The following PEX14 variants were observed in gnomAD, a reference collection of about 807,000 sequenced individuals.
PEX14 encodes the protein peroxisomal biogenesis factor 14.
A neutral mutation model predicts 49.5 loss-of-function variants in PEX14; 15 were observed. The observed-to-expected ratio is 0.30, with a 90% CI of 0.20 to 0.47. The LOEUF (loss-of-function observed/expected upper bound fraction) is 0.47, where lower values mean the gene tolerates loss of function less well. Ranked by LOEUF, PEX14 falls within the 20% of genes least tolerant of loss-of-function variation. PEX14 has a pLI of 1.00. For missense variants in PEX14, 398 were observed against 494.8 expected (o/e 0.80, Z 1.86); for synonymous variants, 210 against 212.7 (o/e 0.99, Z 0.11).
chr1:10,599,397 C>T (rs1640922305), intron 4 of PEX14, 31 bp downstream of exon 4: 3 of 1,613,430 alleles, frequency 1.9e-6, no homozygotes, highest in Non-Finnish European at 2.5e-6. Flanking sequence ...CCTGCTTAAC[C>T]TTGATTGGGA....
chr1:10,553,007 G>A (rs558054898), intron 3 of PEX14, among the ~76,000 whole-genome samples: 1 of 152,312 alleles, frequency 6.6e-6, no homozygotes, highest in South Asian at 2.1e-4. Flanking sequence ...GGGAAGACCT[G>A]GCATGTGTTA....
intron 5 of PEX14, 133 bp downstream of exon 5, chr1:10,618,550 G>T: frequency 1.3e-6 from 1 of 759,974 alleles, no homozygotes; most frequent in Non-Finnish European, 2.3e-6. Context: ...AGAGGCTGTG[G>T]TAGAGGTCGG....
chr1:10,530,739 T>G (rs986668729), intron 2 of PEX14, among the ~76,000 whole-genome samples: 4 of 152,368 alleles, frequency 2.6e-5, no homozygotes, highest in East Asian at 3.8e-4. Flanking sequence ...CTGGAAGCTT[T>G]CTTTCTCCCT....
intron 2 of PEX14, among the ~76,000 whole-genome samples, chr1:10,503,961 T>G (rs1333888832): frequency 2.6e-5 from 4 of 152,156 alleles, no homozygotes; most frequent in Non-Finnish European, 5.9e-5. Flanking sequence ...CTCAAACTCT[T>G]GGCCTCAAAT....
chr1:10,615,691 C>A (rs551362188), intron 4 of PEX14, among the ~76,000 whole-genome samples: 1 of 152,286 alleles, frequency 6.6e-6, no homozygotes, highest in Admixed American at 6.5e-5. Flanking sequence ...CACGTGTGCA[C>A]GTTGTTGATG....
chr1:10,488,075 C>G (rs185541988), intron 1 of PEX14, among the ~76,000 whole-genome samples: 454 of 152,184 alleles, frequency 3.0e-3, no homozygotes, highest in African/African-American at 0.011. Context: ...GCCACTGTGC[C>G]TGGCCTATTA....
chr1:10,570,068 C>A (rs1639927048), intron 3 of PEX14, among the ~76,000 whole-genome samples: 2 of 151,846 alleles, frequency 1.3e-5, no homozygotes, highest in Non-Finnish European at 2.9e-5. Flanking sequence ...AATATATTTT[C>A]TTTCCTATCT....
chr1:10,554,332 A>G (rs2124516660), intron 3 of PEX14, among the ~76,000 whole-genome samples: 1 of 151,766 alleles, frequency 6.6e-6, no homozygotes. Flanking sequence ...GAAGTTTACA[A>G]AATGTGTGGA....
At chr1:10,542,957 T>G (rs1639061323) in intron 3 of PEX14, among the ~76,000 whole-genome samples, 1 of 152,220 alleles carries the variant, frequency 6.6e-6, no homozygotes, top group Non-Finnish European at 1.5e-5. Flanking sequence ...ATATTTTTCT[T>G]GCTTAAATTT....
At chr1:10,546,702 T>C (rs1437288830) in intron 3 of PEX14, among the ~76,000 whole-genome samples, 3 of 142,352 alleles carry the variant, frequency 2.1e-5, no homozygotes, top group South Asian at 2.2e-4. Context: ...CTGTCTCTAC[T>C]AGAAAAAAAA....
chr1:10,584,437 T>C (rs61688801), intron 3 of PEX14, among the ~76,000 whole-genome samples: 11,125 of 152,250 alleles, frequency 0.073, 525 homozygotes, highest in Middle Eastern at 0.15. Context: ...TATTCTGTGG[T>C]TATATACAAG....
chr1:10,630,483 GC>G lies in PEX14; in HGVS notation c.*500del, dbSNP rs1456363442. The G allele has an allele frequency of 6.3e-6, 1 of 158,212 alleles. No homozygotes were observed. The highest frequency in any genetic ancestry group is 1.4e-5 in the Non-Finnish European group (1 of 73,066). The allele number at this position is 158,212 out of a possible 1,614,324, so 9.8% of individuals were successfully genotyped here. A position where few individuals can be genotyped will look rare whatever the true frequency, so the allele number is the denominator to read the frequency against. On this transcript the variant is annotated 3_prime_UTR_variant, in exon 9 of 9. Transcript: ENST00000356607. The surrounding 1 kb of genome is among the most constrained non-coding windows in gnomAD (Gnocchi z 4.1). The stretch of plus-strand genomic sequence containing the variant: ...TGGACCCGTCAGGTGCCTGTCCCCA[GC>G]CCCAACCCCACTCATGCCCCGTCGT...
Position 10,514,586 on chromosome 1 carries a change from G to A in PEX14, c.84+19265G>A, listed in dbSNP as rs1641940871. Among the ~76,000 whole-genome samples the A allele has an allele frequency of 1.3e-5, 2 of 152,192 alleles. No homozygotes were observed. Among genetic ancestry groups the A allele is most frequent in the Admixed American group, 1.3e-4 (2 of 15,278 alleles). Reference sequence around the variant, plus strand: ...AAGCCATTGGGGAATGCTCAGTTGGGATTGAACTAATAGGCCATTGGGTGT... The same window carrying A: ...AAGCCATTGGGGAATGCTCAGTTGGAATTGAACTAATAGGCCATTGGGTGT... On this transcript the variant is annotated intron_variant, in intron 2 of 8. Transcript: ENST00000356607. This position sits in a 1 kb window ranked among gnomAD's most constrained non-coding sequence, Gnocchi z 4.4.
At chr1:10,527,922 C>T (rs781539482) in intron 2 of PEX14, among the ~76,000 whole-genome samples, 19 of 152,316 alleles carry the variant, frequency 1.2e-4, no homozygotes, top group Admixed American at 4.6e-4. Flanking sequence ...CCACTCGCCT[C>T]GGCCTCCCAA....
chr1:10,537,657 G>T (rs533943014), intron 3 of PEX14, among the ~76,000 whole-genome samples: 1 of 152,214 alleles, frequency 6.6e-6, no homozygotes, highest in African/African-American at 2.4e-5. Flanking sequence ...ACAATGACCA[G>T]TTAGTCCTCA....
chr1:10,505,260 A>G (rs1490750396), intron 2 of PEX14, among the ~76,000 whole-genome samples: 1 of 152,028 alleles, frequency 6.6e-6, no homozygotes, highest in Non-Finnish European at 1.5e-5. Context: ...GCTTGAGCCC[A>G]GGAGTTTTGA....
chr1:10,489,664 A>T (rs1243948224), intron 1 of PEX14, among the ~76,000 whole-genome samples: 2 of 152,198 alleles, frequency 1.3e-5, no homozygotes, highest in Non-Finnish European at 2.9e-5. Flanking sequence ...AGATTTCTGG[A>T]CCACTTTTTC....
At chr1:10,493,216 T>C (rs1557809649) in intron 1 of PEX14, among the ~76,000 whole-genome samples, 1 of 152,088 alleles carries the variant, frequency 6.6e-6, no homozygotes, top group Non-Finnish European at 1.5e-5. Context: ...CCCTTAAATT[T>C]GTTGTGTTTA....
rs565247030 is a variant in PEX14 at position 10,520,148 on chromosome 1, C to CTTTTTTTTTTTTTTTTT, written c.85-16051_85-16050insTTTTTTTTTTTTTTTTT. 8.5e-3 allele frequency among the ~76,000 whole-genome samples: 584 copies of CTTTTTTTTTTTTTTTTT among 69,062 alleles called. 32 individuals are homozygous for CTTTTTTTTTTTTTTTTT. Among genetic ancestry groups the CTTTTTTTTTTTTTTTTT allele is most frequent in the South Asian group, 0.029 (69 of 2,418 alleles). The allele number at this position is 69,062 out of a possible 152,430, so 45.3% of individuals were successfully genotyped here. ...AGCTGTTGTGCCTGGCCTTCTTCTT[C>CTTTTTTTTTTTTTTTTT]TTTTTTTTTTTTTTGTTTTTTTAAC... On this transcript the variant is annotated intron_variant, in intron 2 of 8. Coordinates refer to ENST00000356607, the MANE Select transcript of PEX14 (RefSeq NM_004565.3).
Sources: gnomAD v4.1 joint callset for allele counts (sites outside exome capture counted in the v4.1 genomes callset) on GRCh38, gnomAD v4.1.1 for gene constraint, Gnocchi (gnomAD v3.1) non-coding constraint, MANE v1.5 for transcripts, NCBI Gene and HGNC (gene_info 2026-07-23, HGNC 2026-07-21) for gene names.